The following PHACTR3 variants were observed in gnomAD, a reference collection of about 807,000 sequenced individuals.
PHACTR3 encodes the protein phosphatase and actin regulator 3.
PHACTR3 carries 16 observed loss-of-function variants against 66.8 expected under a neutral mutation model. The observed-to-expected ratio is 0.24, with a 90% CI of 0.16 to 0.36. The LOEUF (loss-of-function observed/expected upper bound fraction) is 0.36. Ranked by LOEUF, PHACTR3 falls within the 10% of genes least tolerant of loss-of-function variation. PHACTR3 has a pLI of 1.00. For synonymous variants in PHACTR3, 323 were observed against 292.1 expected (o/e 1.11, Z -1.08); for missense variants, 647 against 719.9 (o/e 0.90, Z 1.16).
At chr20:59,699,167 G>A (rs1168445554) in intron 1 of PHACTR3, among the ~76,000 whole-genome samples, 1 of 152,180 alleles carries the variant, frequency 6.6e-6, no homozygotes, top group Non-Finnish European at 1.5e-5. Context: ...GAGCCCATTG[G>A]TGACTGCCGT....
intron 7 of PHACTR3, among the ~76,000 whole-genome samples, chr20:59,792,630 T>C (rs1375449170): frequency 6.6e-6 from 1 of 152,246 alleles, no homozygotes; most frequent in Non-Finnish European, 1.5e-5. Flanking sequence ...TTGTGGTGTC[T>C]TATTATGGTT....
intron 7 of PHACTR3, among the ~76,000 whole-genome samples, chr20:59,785,632 G>T (rs1168996888): frequency 6.6e-6 from 1 of 152,154 alleles, no homozygotes; most frequent in Non-Finnish European, 1.5e-5. Context: ...GAGGGGCCCT[G>T]CCCAGCTCCA....
intron 1 of PHACTR3, among the ~76,000 whole-genome samples, chr20:59,582,209 T>G (rs1207394969): frequency 6.6e-6 from 1 of 152,232 alleles, no homozygotes; most frequent in Non-Finnish European, 1.5e-5. Context: ...ATGTGCTTTT[T>G]AAAGAAATGG....
intron 7 of PHACTR3, among the ~76,000 whole-genome samples, chr20:59,791,511 G>T (rs1043939491): frequency 1.3e-5 from 2 of 152,120 alleles, no homozygotes; most frequent in African/African-American, 2.4e-5. Context: ...TTGTCCTCTG[G>T]GAAGTCCTGA....
At chr20:59,640,081 C>T (rs187566554) in intron 1 of PHACTR3, among the ~76,000 whole-genome samples, 10 of 152,276 alleles carry the variant, frequency 6.6e-5, no homozygotes, top group African/African-American at 1.9e-4. Context: ...TAGAGCATAG[C>T]AGATGGGTTG....
chr20:59,844,630 T>C (rs1486964596), intron 11 of PHACTR3: 1 of 152,058 alleles, frequency 6.6e-6, no homozygotes, highest in African/African-American at 2.4e-5. Context: ...ATCAAAAAAG[T>C]TGATGTCATG....
chr20:59,794,122 T>TAAAA (rs2041183011), intron 7 of PHACTR3, among the ~76,000 whole-genome samples: 1 of 9,998 alleles, frequency 1.0e-4, no homozygotes, highest in African/African-American at 8.3e-4. Flanking sequence ...AGACTCCATC[T>TAAAA]CAAAAAAAAA....
At position 59,747,807 on chromosome 20, in the gene PHACTR3, G is replaced by T; in HGVS notation, c.330G>T (p.Lys110Asn). 5 of 1,614,148 alleles carry T rather than the reference G, an allele frequency of 3.1e-6. No individual in the cohort carries two copies. Among genetic ancestry groups the T allele is most frequent in the Non-Finnish European group, 4.2e-6 (5 of 1,180,010 alleles). The change falls in exon 3 of 13, where the codon AAG becomes AAT. Residue 110 changes from lysine to asparagine, a missense_variant. By Grantham distance (94) the Lys-to-Asn change is moderately conservative (BLOSUM62 0). Around this residue, in one of 2 missense-constraint regions of PHACTR3, gnomAD observed 577 missense variants for 571.1 expected, o/e 1.01. Coordinates refer to ENST00000371015, the MANE Select transcript of PHACTR3 (RefSeq NM_080672.5). ...AGRQGREELI[K>N]KGLLEMMEQD... The stretch of plus-strand genomic sequence containing the variant: ...GGCAAGGCCGAGAGGAGCTCATCAA[G>T]AAGGGGCTGCTGGAGATGATGGAGC...
At chr20:59,731,220 C>T (rs1167330244) in intron 1 of PHACTR3, among the ~76,000 whole-genome samples, 2 of 152,182 alleles carry the variant, frequency 1.3e-5, no homozygotes, top group East Asian at 3.9e-4. Context: ...TGTTATTTCA[C>T]TTTTTGTCCT....
chr20:59,726,366 G>A (rs541882508), intron 1 of PHACTR3, among the ~76,000 whole-genome samples: 1 of 152,240 alleles, frequency 6.6e-6, no homozygotes, highest in African/African-American at 2.4e-5. Context: ...TAAGTCAATG[G>A]GAAGTGCTTT....
chr20:59,601,787 C>G (rs934998472), upstream of PHACTR3, among the ~76,000 whole-genome samples: 3 of 152,244 alleles, frequency 2.0e-5, no homozygotes. Flanking sequence ...AGCTCCAGCT[C>G]TACCTACCTT....
intron 11 of PHACTR3, among the ~76,000 whole-genome samples, chr20:59,842,194 A>G (rs2059076595): frequency 6.6e-6 from 1 of 152,300 alleles, no homozygotes; most frequent in South Asian, 2.1e-4. Context: ...CTTGTCTGTG[A>G]TCAAACACTT....
chr20:59,807,104 G>A (rs2041593818), intron 8 of PHACTR3, among the ~76,000 whole-genome samples: 1 of 152,170 alleles, frequency 6.6e-6, no homozygotes, highest in Admixed American at 6.5e-5. Context: ...TGCACACTTA[G>A]GCTACGCTAA....
intron 8 of PHACTR3, among the ~76,000 whole-genome samples, chr20:59,811,533 C>G (rs1281875547): frequency 6.6e-6 from 1 of 152,166 alleles, no homozygotes; most frequent in Non-Finnish European, 1.5e-5. Context: ...GTGGCAGGTG[C>G]CTGTAGTCCA....
intron 1 of PHACTR3, among the ~76,000 whole-genome samples, chr20:59,699,416 G>A (rs1407690890): frequency 1.3e-5 from 2 of 152,020 alleles, no homozygotes; most frequent in African/African-American, 4.8e-5. Flanking sequence ...ACCTTTTTAT[G>A]CTATTAAAAG....
chr20:59,636,058 G>T (rs553410393), intron 1 of PHACTR3, among the ~76,000 whole-genome samples: 36 of 152,336 alleles, frequency 2.4e-4, no homozygotes, highest in South Asian at 1.2e-3. Context: ...GCTGGATCTT[G>T]CCCATCTTTC....
chr20:59,836,572 G>T lies in PHACTR3; in HGVS notation c.1384+12G>T. The stretch of plus-strand genomic sequence containing the variant: ...AAATATCTTGAAACGTGAGTAGCTG[G>T]TGATTCCTCTAGAGGTTTTCCTTCA... On this transcript the variant is annotated intron_variant, in intron 9 of 12. Transcript: ENST00000371015. 1 of 1,610,500 alleles carries T rather than the reference G, an allele frequency of 6.2e-7. No individual in the cohort carries two copies. The highest frequency in any genetic ancestry group is 8.5e-7 in the Non-Finnish European group (1 of 1,178,600).
intron 1 of PHACTR3, among the ~76,000 whole-genome samples, chr20:59,708,483 A>G (rs2037797775): frequency 6.6e-6 from 1 of 152,126 alleles, no homozygotes; most frequent in Non-Finnish European, 1.5e-5. Context: ...ACTCCTATTC[A>G]GTTGGCCAGA....
intron 8 of PHACTR3, among the ~76,000 whole-genome samples, chr20:59,817,820 G>A (rs971226088): frequency 8.5e-5 from 13 of 152,218 alleles, no homozygotes; most frequent in Admixed American, 7.2e-4. Flanking sequence ...TAAAAGCAAT[G>A]TGTGCACCCA....
Sources: gnomAD v4.1 joint callset for allele counts (sites outside exome capture counted in the v4.1 genomes callset) on GRCh38, gnomAD v4.1.1 for gene constraint, gnomAD v4.1.1 regional missense constraint, MANE v1.5 for transcripts, NCBI Gene and HGNC (gene_info 2026-07-23, HGNC 2026-07-21) for gene names.